The following ADRA1B variants were observed in gnomAD, a reference collection of about 807,000 sequenced individuals.
ADRA1B encodes adrenoceptor alpha 1B, also known as alpha-1B adrenergic receptor.
Under a neutral mutation model 17.9 loss-of-function variants are expected in ADRA1B, and 17 were observed. That is an observed-to-expected ratio of 0.95 (90% CI 0.65 to 1.42). ADRA1B has a LOEUF of 1.42. ADRA1B is among the 40% of genes most tolerant of loss of function. ADRA1B has a pLI of 0.00. For synonymous variants in ADRA1B, 366 were observed against 327.6 expected, an observed-to-expected ratio of 1.12 and a Z score of -1.27; for missense variants, 681 against 722.1, an observed-to-expected ratio of 0.94 and a Z score of 0.65.
chr5:159,972,445 C>T lies in ADRA1B; in HGVS notation c.1516C>T (p.Gln506Ter). ...CEAAADVANGQPGFKSNMPLA... is the reference protein window; with the variant it reads ...CEAAADVANG ...GGCCGCGGCCGACGTGGCCAACGGGCAGCCGGGCTTCAAAAGCAACATGCC... is the reference window on the plus strand; with the variant it reads ...GGCCGCGGCCGACGTGGCCAACGGGTAGCCGGGCTTCAAAAGCAACATGCC... The change falls in exon 2 of 2, where the codon CAG becomes TAG. Residue 506 changes from glutamine to a stop codon, truncating the protein, a stop_gained. Coordinates refer to ENST00000306675, the MANE Select transcript of ADRA1B (RefSeq NM_000679.4). LOFTEE classifies it high-confidence loss of function. The T allele has an allele frequency of 6.7e-7, 1 of 1,493,572 alleles. No individual in the cohort carries two copies. The highest frequency in any genetic ancestry group is 1.4e-5 in the African/African-American group (1 of 69,934). The allele number at this position is 1,493,572 out of a possible 1,614,324, so 92.5% of individuals were successfully genotyped here.
chr5:159,977,908 C>A (rs1755996242), downstream of ADRA1B, among the ~76,000 whole-genome samples: 1 of 152,018 alleles, frequency 6.6e-6, no homozygotes, highest in Non-Finnish European at 1.5e-5. Context: ...CCCCTTCTTT[C>A]CATGTGGCTT....
intron 1 of ADRA1B, among the ~76,000 whole-genome samples, chr5:159,961,964 G>A (rs936308919): frequency 5.9e-5 from 9 of 152,182 alleles, no homozygotes; most frequent in African/African-American, 1.2e-4. Context: ...TAAAGTCAGC[G>A]CTTTGGGAGG....
intron 1 of ADRA1B, among the ~76,000 whole-genome samples, chr5:159,885,493 A>C (rs1753913805): frequency 6.6e-6 from 1 of 152,234 alleles, no homozygotes; most frequent in African/African-American, 2.4e-5. Context: ...TTTCATTTCA[A>C]ATAGAGAGTC....
At chr5:159,879,891 G>A (rs780281443) in intron 1 of ADRA1B, among the ~76,000 whole-genome samples, 34 of 152,196 alleles carry the variant, frequency 2.2e-4, no homozygotes, top group Non-Finnish European at 3.5e-4. Flanking sequence ...ACCTACTCAT[G>A]AGGCTGAGGC....
chr5:159,968,508 T>C (rs1395967509), intron 1 of ADRA1B, among the ~76,000 whole-genome samples: 1 of 152,238 alleles, frequency 6.6e-6, no homozygotes, highest in Non-Finnish European at 1.5e-5. Flanking sequence ...CTCTAGATCC[T>C]GTCCATGGTT....
chr5:159,917,199 C>A lies in ADRA1B; in HGVS notation c.294C>A (p.Val98=). 6.2e-7 allele frequency: 1 copy of A among 1,614,196 alleles called. No individual in the cohort carries two copies. Among genetic ancestry groups the A allele is most frequent in the South Asian group, 1.1e-5 (1 of 91,080 alleles). ...CCGACCTGCTGTTGAGCTTCACCGTCCTGCCCTTCTCAGCGGCCCTAGAGG... is the reference window on the plus strand; with the variant it reads ...CCGACCTGCTGTTGAGCTTCACCGTACTGCCCTTCTCAGCGGCCCTAGAGG... ...AMADLLLSFT[V]LPFSAALEVL... The change falls in exon 1 of 2, where the codon GTC becomes GTA. Residue 98 remains valine (V), a synonymous_variant. Coordinates refer to ENST00000306675, the MANE Select transcript of ADRA1B (RefSeq NM_000679.4).
intron 1 of ADRA1B, among the ~76,000 whole-genome samples, chr5:159,896,091 C>A (rs976994512): frequency 6.6e-6 from 1 of 152,168 alleles, no homozygotes; most frequent in African/African-American, 2.4e-5. Flanking sequence ...CTGGTATCCC[C>A]AGGACCTAGC....
chr5:159,959,082 C>G (rs761486013), intron 1 of ADRA1B, among the ~76,000 whole-genome samples: 43 of 152,222 alleles, frequency 2.8e-4, no homozygotes, highest in Non-Finnish European at 5.4e-4. Flanking sequence ...AAGGGCAAGA[C>G]ACAGACCTCA....
chr5:159,912,023 A>G (rs1190724402), upstream of ADRA1B, among the ~76,000 whole-genome samples: 1 of 152,190 alleles, frequency 6.6e-6, no homozygotes, highest in Non-Finnish European at 1.5e-5. Context: ...TACCTACCTC[A>G]TAATGTTATC....
rs1323152404 is a variant in ADRA1B, at chr5:159,916,636, C to T, written c.-270C>T. 1 of 264,502 alleles carries T rather than the reference C, an allele frequency of 3.8e-6. No individual in the cohort carries two copies. Among genetic ancestry groups the T allele is most frequent in the African/African-American group, 2.2e-5 (1 of 44,518 alleles). The allele number at this position is 264,502 out of a possible 1,614,324, so 16.4% of individuals were successfully genotyped here. A position where few individuals can be genotyped will look rare whatever the true frequency, so the allele number is the denominator to read the frequency against. On this transcript the variant is annotated 5_prime_UTR_variant, in exon 1 of 2. Transcript: ENST00000306675. ...CCCCGCCGCTCCCCCGCGAGCCCGG[C>T]CAGGCGCGCCTGACGTGGACCATTA...
In ADRA1B at chr5:159,955,141, GCT is replaced by G. The variant is rs10539259; in HGVS notation, c.950-16735_950-16734del. 5.6e-3 allele frequency: 5,500 copies of G among 985,290 alleles called. 228 individuals carry two copies. The African/African-American group carries it at 0.089, about 16-fold the overall frequency. The allele number at this position is 985,290 out of a possible 1,614,324, so 61.0% of individuals were successfully genotyped here. On this transcript the variant is annotated intron_variant, in intron 1 of 1. Transcript: ENST00000306675. Reference sequence around the variant, plus strand: ...TCAGGATACCGAAAGACAAGAAAGGGCTCTGGTGAGAAGACAAGACACCCTGG... The same window carrying G: ...TCAGGATACCGAAAGACAAGAAAGGGCTGGTGAGAAGACAAGACACCCTGG...
Position 159,895,787 on chromosome 5 carries a change from A to G in ADRA1B, c.-255-20332A>G. On this transcript the variant is annotated intron_variant, in intron 1 of 2. Transcript: ENST00000641205. Reference sequence around the variant, plus strand: ...TTCTTGTGCTATATCTGCCCCATACACCAAGCTGTGAGCTCCTGGAAGGCG... The same window carrying G: ...TTCTTGTGCTATATCTGCCCCATACGCCAAGCTGTGAGCTCCTGGAAGGCG... Among the ~76,000 whole-genome samples, 2 of 152,202 alleles carry G rather than the reference A, an allele frequency of 1.3e-5. 1 individual carries two copies. The highest frequency in any genetic ancestry group is 2.9e-5 in the Non-Finnish European group (2 of 68,024).
At chr5:159,885,108 A>G (rs2113094687) in intron 1 of ADRA1B, among the ~76,000 whole-genome samples, 1 of 152,338 alleles carries the variant, frequency 6.6e-6, no homozygotes, top group Middle Eastern at 3.4e-3. Context: ...CCCAGCCCAC[A>G]CTGAGAATGC....
chr5:159,969,307 G>GC (rs5872623), intron 1 of ADRA1B, among the ~76,000 whole-genome samples: 6 of 152,170 alleles, frequency 3.9e-5, no homozygotes, highest in Admixed American at 2.6e-4. Context: ...CCCAGCCATT[G>GC]CCCCCCAGCA....
rs1163216529 is a variant in ADRA1B at position 159,917,424 on chromosome 5, C to G, written c.519C>G (p.Ser173=). ...ILALLSVWVL[S]TVISIGPLLG... Reference sequence around the variant, plus strand: ...CGCTGCTCAGTGTCTGGGTCTTGTCCACCGTCATCTCCATCGGGCCTCTCC... The same window carrying G: ...CGCTGCTCAGTGTCTGGGTCTTGTCGACCGTCATCTCCATCGGGCCTCTCC... Residue 173 remains serine (S), a synonymous_variant, in exon 1 of 2, where the codon TCC becomes TCG. Coordinates refer to ENST00000306675, the MANE Select transcript of ADRA1B (RefSeq NM_000679.4). 6.2e-7 allele frequency: 1 copy of G among 1,614,188 alleles called. No individual in the cohort carries two copies. The highest frequency in any genetic ancestry group is 2.2e-5 in the East Asian group (1 of 44,880).
chr5:159,923,043 G>A (rs1490804079), intron 1 of ADRA1B, among the ~76,000 whole-genome samples: 1 of 152,264 alleles, frequency 6.6e-6, no homozygotes, highest in Non-Finnish European at 1.5e-5. Context: ...ATTCAGTGAA[G>A]GGGGCTGATA....
intron 1 of ADRA1B, among the ~76,000 whole-genome samples, chr5:159,949,502 G>A (rs916473785): frequency 6.6e-6 from 1 of 152,122 alleles, no homozygotes; most frequent in African/African-American, 2.4e-5. Context: ...AAGAACTTCT[G>A]GGCTTGCCAG....
intron 1 of ADRA1B, among the ~76,000 whole-genome samples, chr5:159,952,374 C>A (rs1755461300): frequency 6.6e-6 from 1 of 152,196 alleles, no homozygotes; most frequent in Admixed American, 6.5e-5. Context: ...CGTGGTCTCA[C>A]TCGCTCTCTC....
chr5:159,888,254 T>C (rs555419300), intron 1 of ADRA1B: 1 of 152,228 alleles, frequency 6.6e-6, no homozygotes, highest in East Asian at 1.9e-4. Flanking sequence ...ATACCTACTA[T>C]GAGTATGGGG....
Sources: gnomAD v4.1 joint callset for allele counts (sites outside exome capture counted in the v4.1 genomes callset) on GRCh38, gnomAD v4.1.1 for gene constraint, MANE v1.5 for transcripts, NCBI Gene and HGNC (gene_info 2026-07-23, HGNC 2026-07-21) for gene names.